Variants in UTRN observed in about 807,000 individuals in gnomAD.
UTRN encodes the protein utrophin.
In UTRN, 283 loss-of-function variants were observed where a neutral mutation model predicts 463.9. That is an observed-to-expected ratio of 0.61 (90% CI 0.55 to 0.67). The LOEUF is 0.67. UTRN is among the 30% of genes least tolerant of loss of function. The pLI is 0.00. For synonymous variants in UTRN, 1,442 were observed against 1,431.5 expected (o/e 1.01, Z -0.17); for missense variants, 3,922 against 4,084.3 (o/e 0.96, Z 1.08).
intron 69 of UTRN, among the ~76,000 whole-genome samples, chr6:144,829,845 C>T (rs967293847): frequency 1.3e-5 from 2 of 151,876 alleles, no homozygotes; most frequent in African/African-American, 4.8e-5. Flanking sequence ...GGAGGTTTTT[C>T]AATTTCAAAT....
chr6:144,577,411 C>A, intron 51 of UTRN, 123 bp downstream of exon 51: 1 of 1,006,900 alleles, frequency 9.9e-7, no homozygotes, highest in Non-Finnish European at 1.4e-6. Flanking sequence ...GAAATCCGTG[C>A]TCTCCTGTGA....
intron 18 of UTRN, among the ~76,000 whole-genome samples, chr6:144,453,264 A>G (rs1053679252): frequency 3.9e-5 from 6 of 152,072 alleles, no homozygotes; most frequent in African/African-American, 1.4e-4. Context: ...CTGGGATTAT[A>G]GGCACACGCC....
intron 51 of UTRN, among the ~76,000 whole-genome samples, chr6:144,675,459 G>A (rs1781494943): frequency 6.6e-6 from 1 of 152,192 alleles, no homozygotes; most frequent in African/African-American, 2.4e-5. Flanking sequence ...AAGTTGTCAT[G>A]TGAACAGACT....
intron 51 of UTRN, chr6:144,660,079 T>C: frequency 2.6e-6 from 1 of 380,392 alleles, no homozygotes; most frequent in South Asian, 2.1e-5. Flanking sequence ...CTGCTGCTGA[T>C]GGACCATAGC....
Position 144,562,925 on chromosome 6 carries a change from G to A in UTRN, c.7289+5614G>A, listed in dbSNP as rs78408686. Among the ~76,000 whole-genome samples the A allele has an allele frequency of 3.9e-3, 595 of 152,206 alleles. 5 individuals are homozygous for A. The highest frequency in any genetic ancestry group is 0.026 in the East Asian group (133 of 5,178). On this transcript the variant is annotated intron_variant, in intron 50 of 74. Coordinates refer to ENST00000367545, the MANE Select transcript of UTRN (RefSeq NM_007124.3). The stretch of plus-strand genomic sequence containing the variant: ...CTAGCATGAGATGGTATCCCATTGC[G>A]GTTTTGATCTGCATTTCTCTAATGC...
chr6:144,660,095 G>C (rs1202549058), intron 51 of UTRN: 1 of 417,994 alleles, frequency 2.4e-6, no homozygotes, highest in Non-Finnish European at 4.9e-6. Flanking sequence ...ATAGCTCAAG[G>C]GCAAGGCTTG....
chr6:144,648,639 G>T (rs1403993283), intron 51 of UTRN, among the ~76,000 whole-genome samples: 2 of 152,198 alleles, frequency 1.3e-5, no homozygotes, highest in East Asian at 1.9e-4. Context: ...GAGTTAAGAT[G>T]AGTGCAGATC....
Position 144,782,065 on chromosome 6 carries a change from G to T in UTRN, c.8776G>T (p.Val2926Phe). The stretch of plus-strand genomic sequence containing the variant: ...ACTTGAGCAAATGCATAAGGACCTG[G>T]TCAACGTTCCACTCTGTGTTGATAT... ...DGLEQMHKDL[V>F]NVPLCVDMCL... is the part of the protein sequence containing the mutation. The change falls in exon 61 of 75, where the codon GTC (valine) becomes TTC (phenylalanine). Residue 2926 changes from valine to phenylalanine, a missense_variant. Val to Phe is a conservative substitution (Grantham distance 50). Transcript: ENST00000367545. 6.2e-7 allele frequency: 1 copy of T among 1,613,980 alleles called. No homozygotes were observed. Among genetic ancestry groups the T allele is most frequent in the East Asian group, 2.2e-5 (1 of 44,836 alleles).
intron 58 of UTRN, among the ~76,000 whole-genome samples, chr6:144,761,722 C>T (rs1488747923): frequency 6.6e-6 from 1 of 151,920 alleles, no homozygotes; most frequent in African/African-American, 2.4e-5. Context: ...GCTGCCTTCA[C>T]AATATACAAA....
chr6:144,788,721 G>A (rs377490717), intron 61 of UTRN, among the ~76,000 whole-genome samples: 6 of 151,880 alleles, frequency 4.0e-5, no homozygotes, highest in Admixed American at 2.6e-4. Flanking sequence ...TGCGCCACCC[G>A]CCTGGCTAAT....
rs374441225 is a variant in UTRN, at chr6:144,439,405, ACTAAT to A, written c.1392+511_1392+515del. On this transcript the variant is annotated intron_variant, in intron 12 of 74. Coordinates refer to ENST00000367545, the MANE Select transcript of UTRN (RefSeq NM_007124.3). ...TATTGATCAGTGAAACATTGAGGTA[ACTAAT>A]ATGTAAAACTTTAGGAATACATTAA... Among the ~76,000 whole-genome samples, 1,786 of 152,358 alleles carry A rather than the reference ACTAAT, an allele frequency of 0.012. 62 individuals are homozygous for A. In the East Asian group the frequency reaches 0.13, roughly 11 times the overall value.
chr6:144,681,656 C>A (rs954254609), intron 52 of UTRN, among the ~76,000 whole-genome samples: 1 of 151,810 alleles, frequency 6.6e-6, no homozygotes, highest in Non-Finnish European at 1.5e-5. Context: ...TGAGTCTACT[C>A]AGTCTCGTTA....
intron 2 of UTRN, among the ~76,000 whole-genome samples, chr6:144,312,275 A>G (rs942898188): frequency 7.9e-5 from 12 of 152,256 alleles, no homozygotes; most frequent in Admixed American, 7.9e-4. Flanking sequence ...AATACAAAAA[A>G]TTAGCCGGCC....
intron 2 of UTRN, among the ~76,000 whole-genome samples, chr6:144,360,608 G>T (rs566685181): frequency 1.3e-5 from 2 of 152,158 alleles, no homozygotes; most frequent in South Asian, 4.1e-4. Flanking sequence ...TTGCCTGAGG[G>T]CATTCTCTGG....
intron 34 of UTRN, 120 bp from the exon 35 acceptor site, chr6:144,510,824 A>T: frequency 1.3e-6 from 1 of 799,158 alleles, no homozygotes; most frequent in Non-Finnish European, 1.7e-6. Context: ...ATTGTAAATT[A>T]TATAGGGAGT....
At position 144,462,009 on chromosome 6, in the gene UTRN, G is replaced by T. The variant is rs1242906198; in HGVS notation, c.2854-645G>T. On this transcript the variant is annotated intron_variant, in intron 22 of 74. Transcript: ENST00000367545. ...GTGTCATGGTAGTTTGCTGCACTAC[G>T]TATTAAGCCCAGCATCCATTAGCTC... Among the ~76,000 whole-genome samples, 4 of 152,032 alleles carry T rather than the reference G, an allele frequency of 2.6e-5. No individual in the cohort carries two copies. In the East Asian group the frequency reaches 7.7e-4, roughly 29 times the overall value.
At chr6:144,565,643 T>C (rs1157700766) in intron 50 of UTRN, among the ~76,000 whole-genome samples, 1 of 152,110 alleles carries the variant, frequency 6.6e-6, no homozygotes. Context: ...GAGAGGAGAA[T>C]GTTTCTAAGA....
At chr6:144,569,713 A>C (rs1038556886) in intron 50 of UTRN, among the ~76,000 whole-genome samples, 2 of 152,220 alleles carry the variant, frequency 1.3e-5, no homozygotes, top group Non-Finnish European at 2.9e-5. Flanking sequence ...TCATGATCAG[A>C]GATACAATGA....
chr6:144,596,928 A>ACAAGTG (rs1400605770), intron 51 of UTRN, among the ~76,000 whole-genome samples: 2 of 152,166 alleles, frequency 1.3e-5, no homozygotes, highest in Non-Finnish European at 2.9e-5. Flanking sequence ...TCAGATGGTG[A>ACAAGTG]CAAGTGCAAA....
Sources: gnomAD v4.1 joint callset for allele counts (sites outside exome capture counted in the v4.1 genomes callset) on GRCh38, gnomAD v4.1.1 for gene constraint, MANE v1.5 for transcripts, NCBI Gene and HGNC (gene_info 2026-07-23, HGNC 2026-07-21) for gene names.